LRRC4C: variants seen among roughly 807,000 people sequenced by gnomAD.
The protein encoded by LRRC4C is leucine-rich repeat-containing protein 4C.
LRRC4C carries 5 observed loss-of-function variants against 33.6 expected under a neutral mutation model. That is an observed-to-expected ratio of 0.15 (90% CI 0.08 to 0.31). The LOEUF (loss-of-function observed/expected upper bound fraction) is 0.31, where lower values mean the gene tolerates loss of function less well. LRRC4C is among the 10% of genes least tolerant of loss of function. The pLI, the probability that LRRC4C is intolerant of heterozygous loss-of-function variation, is 1.00. For missense variants in LRRC4C, 560 were observed against 796.7 expected (o/e 0.70, Z 3.58); for synonymous variants, 329 against 302.0 (o/e 1.09, Z -0.93).
At chr11:41,380,424 C>G (rs751088825) in intron 1 of LRRC4C, among the ~76,000 whole-genome samples, 1 of 151,984 alleles carries the variant, frequency 6.6e-6, no homozygotes, top group African/African-American at 2.4e-5. Flanking sequence ...TAGATAGAAA[C>G]TTTTTTTCAT....
At chr11:41,123,369 T>G (rs1590669538) in intron 1 of LRRC4C, among the ~76,000 whole-genome samples, 1 of 139,388 alleles carries the variant, frequency 7.2e-6, no homozygotes, top group East Asian at 2.2e-4. Context: ...GCCTCCCGGG[T>G]TCACGCCATT....
chr11:41,238,930 T>C (rs1183965086), intron 1 of LRRC4C, among the ~76,000 whole-genome samples: 1 of 152,028 alleles, frequency 6.6e-6, no homozygotes, highest in Non-Finnish European at 1.5e-5. Flanking sequence ...ATGCAGTATG[T>C]CCCTTTCCCA....
At chr11:40,980,245 TG>T (rs1335746823) in intron 1 of LRRC4C, among the ~76,000 whole-genome samples, 6 of 152,194 alleles carry the variant, frequency 3.9e-5, no homozygotes, top group African/African-American at 1.4e-4. Context: ...GGACTTTTAA[TG>T]GAACCACATA....
chr11:41,154,966 T>C (rs1464579371), intron 1 of LRRC4C, among the ~76,000 whole-genome samples: 1 of 152,128 alleles, frequency 6.6e-6, no homozygotes, highest in African/African-American at 2.4e-5. Flanking sequence ...ATATGTGGAT[T>C]TGCAGCTTAG....
intron 1 of LRRC4C, among the ~76,000 whole-genome samples, chr11:41,030,485 G>C (rs1856653513): frequency 6.6e-6 from 1 of 151,718 alleles, no homozygotes; most frequent in Non-Finnish European, 1.5e-5. Context: ...AATTGCAGGA[G>C]GGAGCGTTTC....
chr11:41,275,293 GAAGAA>G (rs1168230142), intron 1 of LRRC4C, among the ~76,000 whole-genome samples: 1 of 152,144 alleles, frequency 6.6e-6, no homozygotes, highest in East Asian at 1.9e-4. Flanking sequence ...ACCACATGGA[GAAGAA>G]AAGAATGAGA....
chr11:40,516,956 C>T (rs549004752), intron 3 of LRRC4C, among the ~76,000 whole-genome samples: 10 of 152,184 alleles, frequency 6.6e-5, no homozygotes, highest in Middle Eastern at 3.4e-3. Context: ...AGGGCATTGC[C>T]GCTTATATAG....
chr11:41,145,464 A>G (rs916691231), intron 1 of LRRC4C, among the ~76,000 whole-genome samples: 5 of 152,176 alleles, frequency 3.3e-5, no homozygotes, highest in African/African-American at 1.2e-4. Flanking sequence ...GCCTGTTTTT[A>G]TAAATAAGGT....
At chr11:40,961,682 T>C (rs1344773062) in intron 1 of LRRC4C, among the ~76,000 whole-genome samples, 1 of 151,652 alleles carries the variant, frequency 6.6e-6, no homozygotes, top group Non-Finnish European at 1.5e-5. Flanking sequence ...TCACATATAA[T>C]GGTCAGGATT....
intron 3 of LRRC4C, among the ~76,000 whole-genome samples, chr11:40,642,534 T>C (rs894925340): frequency 2.0e-5 from 3 of 152,184 alleles, no homozygotes; most frequent in South Asian, 2.1e-4. Flanking sequence ...CTCTGAGAGA[T>C]GAAATATAAC....
intron 2 of LRRC4C, among the ~76,000 whole-genome samples, chr11:40,710,318 C>T (rs1475014924): frequency 6.6e-6 from 1 of 152,150 alleles, no homozygotes; most frequent in African/African-American, 2.4e-5. Flanking sequence ...TTCTCCCCAT[C>T]TTTGTGGTTT....
intron 1 of LRRC4C, among the ~76,000 whole-genome samples, chr11:40,969,264 GT>G (rs1851556425): frequency 7.1e-6 from 1 of 139,876 alleles, no homozygotes. Flanking sequence ...AATTTGAATG[GT>G]TAGGGAGTTG....
intron 5 of LRRC4C, among the ~76,000 whole-genome samples, chr11:40,208,981 T>TGTGTC (rs1863375630): frequency 2.7e-5 from 1 of 37,090 alleles, no homozygotes; most frequent in African/African-American, 6.4e-5. Context: ...GTGTGTGTGT[T>TGTGTC]TCTTCCTGAG....
At chr11:40,326,036 C>G (rs1004303636) in intron 3 of LRRC4C, among the ~76,000 whole-genome samples, 1 of 145,110 alleles carries the variant, frequency 6.9e-6, no homozygotes, top group Non-Finnish European at 1.5e-5. Flanking sequence ...GGAATGCTGT[C>G]TGCTGAAAGG....
At chr11:40,692,382 C>T (rs1945258241) in intron 2 of LRRC4C, among the ~76,000 whole-genome samples, 1 of 151,998 alleles carries the variant, frequency 6.6e-6, no homozygotes, top group African/African-American at 2.4e-5. Flanking sequence ...TCTTTCAACA[C>T]ATAGAGAGGC....
chr11:41,084,221 G>T (rs1939789773), intron 1 of LRRC4C, among the ~76,000 whole-genome samples: 1 of 152,158 alleles, frequency 6.6e-6, no homozygotes, highest in Non-Finnish European at 1.5e-5. Context: ...AGATCATCTG[G>T]TGTATTGATT....
chr11:40,756,431 TA>T lies in LRRC4C; in HGVS notation c.-406-108154del, dbSNP rs1292495418. Among the ~76,000 whole-genome samples, 3 of 152,118 alleles carry T rather than the reference TA, an allele frequency of 2.0e-5. No homozygotes were observed. The East Asian group carries it at 5.8e-4, about 29-fold the overall frequency. ...TTTACTATGCAGCATTTTGTTAGCT[TA>T]ATTTTCATTTTGTAGCAAAATCCAC... On this transcript the variant is annotated intron_variant, in intron 2 of 6. Coordinates refer to ENST00000528697, the MANE Select transcript of LRRC4C (RefSeq NM_001258419.2).
chr11:41,109,548 C>T (rs533113945), intron 1 of LRRC4C, among the ~76,000 whole-genome samples: 5 of 152,178 alleles, frequency 3.3e-5, no homozygotes, highest in African/African-American at 1.2e-4. Context: ...GAAATGACAA[C>T]CTTTTAATTT....
chr11:41,305,914 A>T lies in LRRC4C; in HGVS notation c.-496+153517T>A, dbSNP rs1245150654. Among the ~76,000 whole-genome samples the T allele has an allele frequency of 1.3e-4, 11 of 85,234 alleles. No individual in the cohort carries two copies. In the East Asian group the frequency reaches 2.2e-3, roughly 17 times the overall value. 55.9% of individuals were successfully genotyped at this position (85,234 alleles called of 152,430 possible). ...AGAATTATCAATAAAAAAATAAATTAAAAAAAAATAATAAAATAAAATAAA... is the reference window on the plus strand; with the variant it reads ...AGAATTATCAATAAAAAAATAAATTTAAAAAAAATAATAAAATAAAATAAA... On this transcript the variant is annotated intron_variant, in intron 1 of 6. Transcript: ENST00000528697.
Sources: allele counts gnomAD v4.1 joint callset (sites outside exome capture counted in the v4.1 genomes callset), GRCh38; gene constraint gnomAD v4.1.1; transcripts MANE v1.5; gene names NCBI Gene and HGNC (gene_info 2026-07-23, HGNC 2026-07-21).